Variants in CDH23 observed in about 807,000 individuals in gnomAD.
CDH23 encodes the protein cadherin-23.
CDH23 carries 189 observed loss-of-function variants against 317.1 expected under a neutral mutation model. The observed-to-expected ratio is 0.60, with a 90% CI of 0.53 to 0.67. The LOEUF (loss-of-function observed/expected upper bound fraction) is 0.67, where lower values mean the gene tolerates loss of function less well. CDH23 is among the 30% of genes least tolerant of loss of function. The pLI is 0.00. For synonymous variants in CDH23, 1,839 were observed against 1,876.8 expected (o/e 0.98, Z 0.52); for missense variants, 4,401 against 4,592.4 (o/e 0.96, Z 1.20).
chr10:71,655,496 A>G (rs1285387538), intron 14 of CDH23, among the ~76,000 whole-genome samples: 1 of 152,136 alleles, frequency 6.6e-6, no homozygotes, highest in Non-Finnish European at 1.5e-5. Flanking sequence ...TTTTCCTGGT[A>G]ACTGGCATGT....
intron 8 of CDH23, among the ~76,000 whole-genome samples, chr10:71,572,279 C>T (rs959493883): frequency 1.3e-5 from 2 of 151,642 alleles, no homozygotes; most frequent in African/African-American, 4.9e-5. Context: ...TTCCTAGCCC[C>T]TTTTCTCTCT....
rs761039491 is a variant in CDH23, at chr10:71,617,358, C to T, written c.1099C>T (p.Leu367Phe). 1.9e-6 allele frequency: 3 copies of T among 1,613,872 alleles called. No homozygotes were observed. The highest frequency in any genetic ancestry group is 2.2e-5 in the South Asian group (2 of 91,070). The change falls in exon 11 of 70, where the codon CTT becomes TTT. Residue 367 changes from leucine (L) to phenylalanine (F), a missense_variant. Physicochemically the swap from Leu to Phe is conservative, Grantham distance 22 (BLOSUM62 0). Around this residue, in one of 3 missense-constraint regions of CDH23, gnomAD observed 3,068 missense variants for 3,203.3 expected, o/e 0.96. Transcript: ENST00000224721. ...TGAGCTGGCACAGGTCGGCTTTGCCCTTCCACTCTTCATCCAGGTGGTGGA... is the reference window on the plus strand; with the variant it reads ...TGAGCTGGCACAGGTCGGCTTTGCCTTTCCACTCTTCATCCAGGTGGTGGA... Reference protein sequence around the residue: ...ITELAQVGFALPLFIQVVDKD... With the variant: ...ITELAQVGFAFPLFIQVVDKD...
chr10:71,493,580 C>G (rs1362421796), intron 3 of CDH23, among the ~76,000 whole-genome samples: 1 of 152,166 alleles, frequency 6.6e-6, no homozygotes, highest in East Asian at 1.9e-4. Flanking sequence ...GAGAGGCTCT[C>G]GGAATAAAGG....
chr10:71,773,531 G>C, intron 38 of CDH23: 5 of 1,275,962 alleles, frequency 3.9e-6, no homozygotes, highest in Non-Finnish European at 5.4e-6. Flanking sequence ...GAGTGCGAGC[G>C]AGTGAGCGCT....
intron 30 of CDH23, among the ~76,000 whole-genome samples, chr10:71,729,029 C>T (rs150159216): frequency 0.022 from 3,306 of 152,132 alleles, 132 homozygotes; most frequent in African/African-American, 0.076. Flanking sequence ...GAGACAGAGT[C>T]TCACTATGTT....
chr10:71,796,343 G>T (rs1039107390), intron 48 of CDH23, among the ~76,000 whole-genome samples: 1 of 152,198 alleles, frequency 6.6e-6, no homozygotes, highest in African/African-American at 2.4e-5. Context: ...TCTCTGATTT[G>T]GGGAGCAGGC....
intron 28 of CDH23, chr10:71,713,169 A>T (rs1866056476): frequency 1.3e-6 from 1 of 779,224 alleles, no homozygotes; most frequent in African/African-American, 1.7e-5. Context: ...GCCAGGGCCC[A>T]GCAAGGCCCA....
chr10:71,760,231 GTATATACATATATATGTA>G (rs1564780258), intron 38 of CDH23, among the ~76,000 whole-genome samples: 2 of 22,038 alleles, frequency 9.1e-5, no homozygotes, highest in African/African-American at 3.1e-4. Flanking sequence ...GTATATATAT[GTATATACATATATATGTA>G]TGTATATATA....
chr10:71,764,730 G>A (rs566285201), intron 38 of CDH23, among the ~76,000 whole-genome samples: 2 of 152,282 alleles, frequency 1.3e-5, no homozygotes, highest in East Asian at 3.9e-4. Flanking sequence ...TTGGTCCTGT[G>A]GACATTTGAG....
At chr10:71,552,440 G>T (rs553489074) in intron 6 of CDH23, among the ~76,000 whole-genome samples, 23 of 152,346 alleles carry the variant, frequency 1.5e-4, no homozygotes, top group Admixed American at 2.6e-4. Flanking sequence ...CACATGGCAG[G>T]TGCCCATAGC....
chr10:71,550,559 C>CAAAAAAA (rs1222399834), intron 6 of CDH23, among the ~76,000 whole-genome samples: 8 of 44,984 alleles, frequency 1.8e-4, no homozygotes, highest in Non-Finnish European at 2.5e-4. Context: ...GACCCTGTCT[C>CAAAAAAA]AAAAAAAAAA....
chr10:71,670,079 G>A (rs926296919), intron 14 of CDH23, among the ~76,000 whole-genome samples: 4 of 152,228 alleles, frequency 2.6e-5, no homozygotes, highest in Non-Finnish European at 5.9e-5. Context: ...GAGGTGTGCC[G>A]GGCATCTTCA....
At chr10:71,502,279 G>C (rs1401986753) in intron 3 of CDH23, among the ~76,000 whole-genome samples, 3 of 152,220 alleles carry the variant, frequency 2.0e-5, no homozygotes, top group Non-Finnish European at 4.4e-5. Flanking sequence ...GTCACAGGTT[G>C]CAAAAGCCTT....
intron 9 of CDH23, among the ~76,000 whole-genome samples, chr10:71,579,977 C>A (rs1858510463): frequency 6.6e-6 from 1 of 152,108 alleles, no homozygotes. Context: ...TCCAGATATA[C>A]CCCAGCCTGG....
At chr10:71,524,329 C>T (rs1854892841) in intron 6 of CDH23, among the ~76,000 whole-genome samples, 1 of 152,138 alleles carries the variant, frequency 6.6e-6, no homozygotes, top group Non-Finnish European at 1.5e-5. Flanking sequence ...CCTCTGTAGC[C>T]CATATCCTTT....
intron 21 of CDH23, among the ~76,000 whole-genome samples, chr10:71,694,912 G>C (rs1865321750): frequency 6.6e-6 from 1 of 152,212 alleles, no homozygotes; most frequent in Admixed American, 6.5e-5. Flanking sequence ...TACCCAGCCA[G>C]AGAGGCTGGA....
chr10:71,460,421 G>A (rs375733685), intron 3 of CDH23, among the ~76,000 whole-genome samples: 28 of 152,362 alleles, frequency 1.8e-4, no homozygotes, highest in African/African-American at 6.0e-4. Flanking sequence ...GACTGTGTGC[G>A]GCGGGAACCC....
Position 71,809,931 on chromosome 10 carries a change from T to C in CDH23, c.8834T>C (p.Ile2945Thr). Reference sequence around the variant, plus strand: ...CTGGCAGGCCACAACGACACGGCCATCATCGGCATCTACATCCTGAGGGAC... The same window carrying C: ...CTGGCAGGCCACAACGACACGGCCACCATCGGCATCTACATCCTGAGGGAC... ...RDLAGHNDTA[I>T]IGIYILRDDQ... Residue 2945 changes from isoleucine (I) to threonine (T), a missense_variant, in exon 61 of 70, where the codon ATC becomes ACC. By Grantham distance (89) the Ile-to-Thr change is moderately conservative. Coordinates refer to ENST00000224721, the MANE Select transcript of CDH23 (RefSeq NM_022124.6). 3.7e-6 allele frequency: 6 copies of C among 1,612,874 alleles called. No individual in the cohort carries two copies. Among genetic ancestry groups the C allele is most frequent in the Non-Finnish European group, 5.1e-6 (6 of 1,179,880 alleles).
At chr10:71,596,096 CA>C (rs1020156630) in intron 9 of CDH23, among the ~76,000 whole-genome samples, 1 of 151,964 alleles carries the variant, frequency 6.6e-6, no homozygotes, top group Non-Finnish European at 1.5e-5. Flanking sequence ...TGGCCCTGCT[CA>C]GGGGTGGTGG....
Sources: allele counts gnomAD v4.1 joint callset (sites outside exome capture counted in the v4.1 genomes callset), GRCh38; gene constraint gnomAD v4.1.1; regional missense constraint gnomAD v4.1.1; transcripts MANE v1.5; gene names NCBI Gene and HGNC (gene_info 2026-07-23, HGNC 2026-07-21).